The following CDH8 variants were observed in gnomAD, a reference collection of about 807,000 sequenced individuals.
CDH8 encodes cadherin-8.
CDH8 carries 17 observed loss-of-function variants against 68.1 expected under a neutral mutation model. The ratio of observed to expected loss-of-function variants is 0.25; its 90% CI spans 0.17 to 0.37. The LOEUF (loss-of-function observed/expected upper bound fraction) is 0.37. Ranked by LOEUF, CDH8 falls within the 10% of genes least tolerant of loss-of-function variation. The pLI, the probability that CDH8 is intolerant of heterozygous loss-of-function variation, is 1.00. For missense variants in CDH8, 763 were observed against 999.3 expected (o/e 0.76, Z 3.19); for synonymous variants, 372 against 365.1 (o/e 1.02, Z -0.21).
At chr16:61,885,649 A>C (rs1001727202) in intron 3 of CDH8, among the ~76,000 whole-genome samples, 1 of 151,300 alleles carries the variant, frequency 6.6e-6, no homozygotes, top group African/African-American at 2.4e-5. Flanking sequence ...GAATTGTTTG[A>C]TATTATTTCA....
chr16:61,948,614 C>T (rs1964837652), intron 2 of CDH8, among the ~76,000 whole-genome samples: 1 of 152,162 alleles, frequency 6.6e-6, no homozygotes, highest in South Asian at 2.1e-4. Context: ...AGAGTCCCAA[C>T]ACCTTCTTTA....
intron 2 of CDH8, among the ~76,000 whole-genome samples, chr16:61,997,281 G>A (rs376691366): frequency 3.9e-5 from 6 of 152,220 alleles, no homozygotes; most frequent in Admixed American, 6.5e-5. Context: ...AGAAAAGAAC[G>A]TAATGCATAT....
At chr16:62,021,924 C>T (rs576409166) in intron 1 of CDH8, among the ~76,000 whole-genome samples, 7 of 152,164 alleles carry the variant, frequency 4.6e-5, no homozygotes, top group Admixed American at 2.0e-4. Context: ...TTTCCTCCTC[C>T]TCTGTCCATC....
At chr16:62,000,574 G>A (rs983369728) in intron 2 of CDH8, among the ~76,000 whole-genome samples, 1 of 152,178 alleles carries the variant, frequency 6.6e-6, no homozygotes, top group Non-Finnish European at 1.5e-5. Context: ...GGTTTTATAA[G>A]TTCTAACAGA....
intron 10 of CDH8, 132 bp from the exon 11 acceptor site, chr16:61,655,853 T>C (rs1406951915): frequency 2.7e-6 from 2 of 753,802 alleles, no homozygotes; most frequent in African/African-American, 3.6e-5. Context: ...CTCAGGCTTT[T>C]TCCCTGACTC....
intron 2 of CDH8, among the ~76,000 whole-genome samples, chr16:61,917,320 C>G (rs1007287191): frequency 1.3e-5 from 2 of 152,054 alleles, no homozygotes; most frequent in Non-Finnish European, 2.9e-5. Context: ...CTGTACTGTT[C>G]AAGAATAACT....
intron 2 of CDH8, among the ~76,000 whole-genome samples, chr16:61,988,898 T>C (rs1182764901): frequency 6.6e-6 from 1 of 152,166 alleles, no homozygotes; most frequent in Non-Finnish European, 1.5e-5. Flanking sequence ...AGGCCAGTGA[T>C]ATTCACACAC....
At chr16:61,841,104 A>C (rs1962674374) in intron 4 of CDH8, among the ~76,000 whole-genome samples, 1 of 152,154 alleles carries the variant, frequency 6.6e-6, no homozygotes, top group South Asian at 2.1e-4. Flanking sequence ...TTGTCCATTC[A>C]CCTATTAATG....
chr16:61,967,140 G>A (rs1398910814), intron 2 of CDH8, among the ~76,000 whole-genome samples: 2 of 152,176 alleles, frequency 1.3e-5, no homozygotes, highest in Admixed American at 6.5e-5. Flanking sequence ...GTCCGAGGCT[G>A]CAGTAAGATA....
At chr16:61,762,523 G>C (rs1443054311) in intron 8 of CDH8, among the ~76,000 whole-genome samples, 3 of 152,092 alleles carry the variant, frequency 2.0e-5, no homozygotes, top group African/African-American at 4.8e-5. Context: ...AACTGGTCCA[G>C]GTCAATGGTT....
chr16:61,863,003 C>T (rs960490137), intron 3 of CDH8, among the ~76,000 whole-genome samples: 5 of 151,990 alleles, frequency 3.3e-5, no homozygotes, highest in African/African-American at 1.2e-4. Context: ...CAAGAAAGCC[C>T]CTATTATAAT....
At position 61,655,550 on chromosome 16, in the gene CDH8, T is replaced by C. The variant is rs185749706; in HGVS notation, c.1826A>G (p.Asn609Ser). 1.2e-6 allele frequency: 2 copies of C among 1,614,086 alleles called. No individual in the cohort carries two copies. Among genetic ancestry groups the C allele is most frequent in the Non-Finnish European group, 1.7e-6 (2 of 1,180,014 alleles). Reference protein sequence around the residue: ...CSNDGVVQSCNVEAYVLPIGL... With the variant: ...CSNDGVVQSCSVEAYVLPIGL... ...AATTGGAAGGACATAAGCTTCGACA[T>C]TGCAAGACTGGACGACACCGTCATT... Residue 609 changes from asparagine to serine, a missense_variant, in exon 11 of 12, where the codon AAT (asparagine) becomes AGT (serine). Coordinates refer to ENST00000577390, the MANE Select transcript of CDH8 (RefSeq NM_001796.5).
chr16:61,864,331 T>C lies in CDH8; in HGVS notation c.548-7093A>G, dbSNP rs1963212413. ...GTTGGTTGGTTGGTTGGTTGGTTGG[T>C]TGGTTGGTTGGTTGATTGAAAGTCT... On this transcript the variant is annotated intron_variant, in intron 3 of 11. Transcript: ENST00000577390. Among the ~76,000 whole-genome samples, 3 of 151,864 alleles carry C rather than the reference T, an allele frequency of 2.0e-5. No individual in the cohort carries two copies. In the South Asian group the frequency reaches 6.2e-4, roughly 32 times the overall value.
chr16:61,974,594 G>T (rs2150578947), intron 2 of CDH8, among the ~76,000 whole-genome samples: 1 of 152,262 alleles, frequency 6.6e-6, no homozygotes, highest in Non-Finnish European at 1.5e-5. Context: ...GGAAATTGTA[G>T]ATATCCTTAG....
chr16:61,720,489 AT>A (rs1486270320), intron 9 of CDH8, among the ~76,000 whole-genome samples: 2 of 150,924 alleles, frequency 1.3e-5, no homozygotes, highest in Non-Finnish European at 3.0e-5. Flanking sequence ...CTTTTACACC[AT>A]TTTCTCTGTA....
At chr16:61,846,348 T>C (rs1962805998) in intron 4 of CDH8, among the ~76,000 whole-genome samples, 1 of 152,138 alleles carries the variant, frequency 6.6e-6, no homozygotes, top group South Asian at 2.1e-4. Context: ...TATGATGGCA[T>C]CTCTCCAGTT....
chr16:61,940,459 G>A (rs1257828515), intron 2 of CDH8: 3 of 148,678 alleles, frequency 2.0e-5, no homozygotes, highest in Non-Finnish European at 4.4e-5. Context: ...GAGTGCAGTG[G>A]CGCGATCTCG....
chr16:61,681,202 T>C (rs747214040), intron 10 of CDH8, among the ~76,000 whole-genome samples: 5 of 151,878 alleles, frequency 3.3e-5, no homozygotes, highest in Non-Finnish European at 7.4e-5. Flanking sequence ...TGAAAATATG[T>C]CCACATAAAC....
intron 2 of CDH8, among the ~76,000 whole-genome samples, chr16:61,947,912 C>T (rs1245230194): frequency 6.6e-6 from 1 of 152,070 alleles, no homozygotes; most frequent in Admixed American, 6.5e-5. Flanking sequence ...TTTATCCATA[C>T]AGTGAGATAG....
Sources: gnomAD v4.1 joint callset for allele counts (sites outside exome capture counted in the v4.1 genomes callset) on GRCh38, gnomAD v4.1.1 for gene constraint, MANE v1.5 for transcripts, NCBI Gene and HGNC (gene_info 2026-07-23, HGNC 2026-07-21) for gene names.